Variants in ERI3 observed in about 807,000 individuals in gnomAD.
ERI3 encodes ERI1 exoribonuclease family member 3.
A neutral mutation model predicts 44.4 loss-of-function variants in ERI3; 18 were observed. The observed-to-expected ratio is 0.41, with a 90% CI of 0.28 to 0.60. The LOEUF (loss-of-function observed/expected upper bound fraction) is 0.60. ERI3 is among the 20% of genes least tolerant of loss of function. The pLI is 0.36. For missense variants in ERI3, 294 were observed against 435.5 expected, an observed-to-expected ratio of 0.68 and a Z score of 2.89; for synonymous variants, 183 against 164.8, an observed-to-expected ratio of 1.11 and a Z score of -0.84.
intron 7 of ERI3, among the ~76,000 whole-genome samples, chr1:44,272,656 A>G (rs1462838733): frequency 6.6e-6 from 1 of 152,070 alleles, no homozygotes; most frequent in Non-Finnish European, 1.5e-5. Flanking sequence ...AGCCTAGCCA[A>G]CATGACGAGA....
At chr1:44,222,632 T>G (rs942842166) in intron 8 of ERI3, among the ~76,000 whole-genome samples, 3 of 152,086 alleles carry the variant, frequency 2.0e-5, no homozygotes, top group Non-Finnish European at 4.4e-5. Flanking sequence ...GCCCAGAGCT[T>G]ATTCCACTAG....
intron 7 of ERI3, chr1:44,284,153 T>C: frequency 2.2e-6 from 1 of 452,418 alleles, no homozygotes; most frequent in South Asian, 1.6e-5. Context: ...GCAGGGATAC[T>C]CTGCTAGGAA....
At chr1:44,249,660 G>A (rs1406143107) in intron 7 of ERI3, among the ~76,000 whole-genome samples, 1 of 152,146 alleles carries the variant, frequency 6.6e-6, no homozygotes, top group African/African-American at 2.4e-5. Context: ...ACAAATCAGG[G>A]GCTGAGTGTG....
chr1:44,301,503 C>T (rs189828251), intron 6 of ERI3, among the ~76,000 whole-genome samples: 114 of 152,296 alleles, frequency 7.5e-4, no homozygotes, highest in African/African-American at 2.3e-3. Flanking sequence ...ACATAATTTG[C>T]CCCTGTAACT....
At chr1:44,265,971 T>C (rs1335308507) in intron 7 of ERI3, among the ~76,000 whole-genome samples, 1 of 152,196 alleles carries the variant, frequency 6.6e-6, no homozygotes, top group Non-Finnish European at 1.5e-5. Flanking sequence ...ATCCTGTAAA[T>C]ATATTAAAAA....
intron 7 of ERI3, among the ~76,000 whole-genome samples, chr1:44,272,841 A>AAAAAT (rs3054072): frequency 0.3 from 43,214 of 146,312 alleles, 6,687 homozygotes; most frequent in East Asian, 0.4. Flanking sequence ...GACTGTCTCA[A>AAAAAT]AAAATAAAAT....
chr1:44,221,103 C>T lies in ERI3; in HGVS notation c.*455G>A. The stretch of plus-strand genomic sequence containing the variant: ...CACACACACCCAGTGCCTCGTTTCC[C>T]CGACTTTATTCAGTGGCACGTTCAC... On this transcript the variant is annotated 3_prime_UTR_variant, in exon 9 of 9. Transcript: ENST00000372257. This position sits in a 1 kb window ranked among gnomAD's most constrained non-coding sequence, Gnocchi z 5.9. 1 of 267,860 alleles carries T rather than the reference C, an allele frequency of 3.7e-6. No homozygotes were observed. Among genetic ancestry groups the T allele is most frequent in the Non-Finnish European group, 7.2e-6 (1 of 138,060 alleles). 16.6% of individuals were successfully genotyped at this position (267,860 alleles called of 1,614,324 possible). A position where few individuals can be genotyped will look rare whatever the true frequency, so the allele number is the denominator to read the frequency against.
chr1:44,222,739 T>C (rs1270805116), intron 8 of ERI3, among the ~76,000 whole-genome samples: 1 of 152,162 alleles, frequency 6.6e-6, no homozygotes, highest in Admixed American at 6.5e-5. Context: ...CTGCCTCTTC[T>C]CCCACCTCCC....
At chr1:44,328,245 G>T (rs1646355758) in intron 3 of ERI3, among the ~76,000 whole-genome samples, 1 of 121,418 alleles carries the variant, frequency 8.2e-6, no homozygotes, top group South Asian at 2.5e-4. Context: ...GCAATGCACT[G>T]AACACATTTC....
At chr1:44,353,155 A>C in intron 1 of ERI3, 1 of 985,412 alleles carries the variant, frequency 1.0e-6, no homozygotes, top group Non-Finnish European at 1.2e-6. Context: ...ACCTCCTAGA[A>C]ACACTAAACA....
chr1:44,297,623 C>T (rs1323462505), intron 6 of ERI3, among the ~76,000 whole-genome samples: 3 of 152,168 alleles, frequency 2.0e-5, no homozygotes, highest in Non-Finnish European at 4.4e-5. Flanking sequence ...TGTGAAGAGA[C>T]ACTTATGGAG....
chr1:44,313,087 A>G (rs1373675158), intron 5 of ERI3, 82 bp downstream of exon 5: 1 of 1,194,172 alleles, frequency 8.4e-7, no homozygotes, highest in Non-Finnish European at 1.2e-6. Context: ...GTCAAATTAC[A>G]CGGCTACATT....
At chr1:44,344,336 CACAG>C (rs748984114) in intron 2 of ERI3, among the ~76,000 whole-genome samples, 63 of 152,124 alleles carry the variant, frequency 4.1e-4, no homozygotes, top group Non-Finnish European at 8.1e-4. Context: ...AAAAATATCA[CACAG>C]ACAGTATTTG....
chr1:44,313,274 G>A (rs1232364631), intron 4 of ERI3, 46 bp from the exon 5 acceptor site: 1 of 1,578,824 alleles, frequency 6.3e-7, no homozygotes, highest in Admixed American at 1.7e-5. Flanking sequence ...CCAGGGTGAA[G>A]GGACTCAAGG....
intron 8 of ERI3, among the ~76,000 whole-genome samples, chr1:44,224,519 T>C (rs2154314943): frequency 6.6e-6 from 1 of 152,368 alleles, no homozygotes; most frequent in Non-Finnish European, 1.5e-5. Context: ...CTTAGGTTCC[T>C]CCACTAGGGT....
At chr1:44,322,383 CAAA>C (rs973509299) in intron 3 of ERI3, among the ~76,000 whole-genome samples, 1 of 112,722 alleles carries the variant, frequency 8.9e-6, no homozygotes, top group Admixed American at 9.3e-5. Context: ...CGGATCCACG[CAAA>C]AAAAAAAAAA....
chr1:44,345,299 G>A (rs1646761773), intron 2 of ERI3, among the ~76,000 whole-genome samples: 2 of 152,224 alleles, frequency 1.3e-5, no homozygotes, highest in African/African-American at 4.8e-5. Context: ...GGAGGCCACT[G>A]TGAAACAGGT....
At chr1:44,331,388 C>A (rs147292969) in intron 3 of ERI3, among the ~76,000 whole-genome samples, 1,675 of 152,134 alleles carry the variant, frequency 0.011, 22 homozygotes, top group South Asian at 0.033. Context: ...GACCTAGCAG[C>A]CCACCCAAAT....
intron 8 of ERI3, among the ~76,000 whole-genome samples, chr1:44,240,084 C>T (rs1644400466): frequency 6.6e-6 from 1 of 152,254 alleles, no homozygotes; most frequent in South Asian, 2.1e-4. Context: ...TCTGGGACAG[C>T]TATACCCTCA....
Sources: allele counts gnomAD v4.1 joint callset (sites outside exome capture counted in the v4.1 genomes callset), GRCh38; gene constraint gnomAD v4.1.1; non-coding constraint Gnocchi (gnomAD v3.1); transcripts MANE v1.5; gene names NCBI Gene and HGNC (gene_info 2026-07-23, HGNC 2026-07-21).